HMGCLL1: variants seen among roughly 807,000 people sequenced by gnomAD.
HMGCLL1 encodes 3-hydroxy-3-methylglutaryl-CoA lyase like 1, also known as 3-hydroxymethyl-3-methylglutaryl-CoA lyase, cytoplasmic.
HMGCLL1 carries 36 observed loss-of-function variants against 39.1 expected under a neutral mutation model. The observed-to-expected ratio is 0.92, with a 90% CI of 0.71 to 1.22. HMGCLL1 has a LOEUF of 1.22. Ranked by LOEUF, HMGCLL1 falls within the 50% of genes most tolerant of loss-of-function variation. The probability of loss-of-function intolerance (pLI) is 0.00; values close to 1 mark genes in which losing one functional copy is unlikely to be tolerated. For synonymous variants in HMGCLL1, 149 were observed against 144.0 expected, an observed-to-expected ratio of 1.03 and a Z score of -0.25; for missense variants, 451 against 416.5, an observed-to-expected ratio of 1.08 and a Z score of -0.72.
At chr6:55,561,443 T>C (rs1005341550) in intron 1 of HMGCLL1, among the ~76,000 whole-genome samples, 2 of 152,124 alleles carry the variant, frequency 1.3e-5, no homozygotes, top group Non-Finnish European at 2.9e-5. Context: ...GTTCTCAAAC[T>C]TTAATGTGCA....
At chr6:55,506,895 ACTC>A (rs1767198700) in intron 5 of HMGCLL1, among the ~76,000 whole-genome samples, 1 of 151,656 alleles carries the variant, frequency 6.6e-6, no homozygotes, top group Non-Finnish European at 1.5e-5. Flanking sequence ...AGAATATAAA[ACTC>A]CTATCAATAG....
intron 1 of HMGCLL1, among the ~76,000 whole-genome samples, chr6:55,577,344 TAA>T (rs35853188): frequency 7.9e-4 from 116 of 146,048 alleles, no homozygotes; most frequent in Admixed American, 1.8e-3. Flanking sequence ...AGGGCTGGAC[TAA>T]AAAAAAAAAA....
chr6:55,452,667 T>TA (rs1187380565), intron 7 of HMGCLL1, among the ~76,000 whole-genome samples: 3 of 152,082 alleles, frequency 2.0e-5, no homozygotes, highest in African/African-American at 7.2e-5. Flanking sequence ...CAGAATCAGG[T>TA]AAAAAAAGAC....
the HMGCLL1 span, among the ~76,000 whole-genome samples, chr6:55,667,019 T>C: frequency 1.3e-5 from 2 of 151,692 alleles, no homozygotes; most frequent in Non-Finnish European, 2.9e-5. Flanking sequence ...CCATTGACCT[T>C]TGCCCGGCCT....
chr6:55,534,510 A>G (rs1768897296), intron 3 of HMGCLL1, among the ~76,000 whole-genome samples: 1 of 152,180 alleles, frequency 6.6e-6, no homozygotes. Context: ...TGAGCCATTT[A>G]TGTTAGATTA....
At chr6:55,504,219 C>T (rs1187415173) in intron 5 of HMGCLL1, among the ~76,000 whole-genome samples, 1 of 151,642 alleles carries the variant, frequency 6.6e-6, no homozygotes, top group Non-Finnish European at 1.5e-5. Context: ...TGTGTCTTTG[C>T]TCTTTGTAGA....
the HMGCLL1 span, among the ~76,000 whole-genome samples, chr6:55,591,067 A>T: frequency 6.6e-6 from 1 of 152,026 alleles, no homozygotes; most frequent in African/African-American, 2.4e-5. Context: ...TAAATAATAA[A>T]AAGACACTTT....
the HMGCLL1 span, among the ~76,000 whole-genome samples, chr6:55,672,320 A>G: frequency 6.6e-6 from 1 of 151,572 alleles, no homozygotes; most frequent in Admixed American, 6.6e-5. Flanking sequence ...GAATAAATAA[A>G]AATTAATTTT....
At chr6:55,492,265 G>C (rs1476277551) in intron 7 of HMGCLL1, among the ~76,000 whole-genome samples, 1 of 152,198 alleles carries the variant, frequency 6.6e-6, no homozygotes, top group Admixed American at 6.5e-5. Context: ...CCTGTTCATA[G>C]TGAAGTTAGA....
chr6:55,649,554 G>A, the HMGCLL1 span, among the ~76,000 whole-genome samples: 1 of 151,650 alleles, frequency 6.6e-6, no homozygotes, highest in Non-Finnish European at 1.5e-5. Flanking sequence ...AATGCCTTGA[G>A]GTAGTCTCCT....
intron 5 of HMGCLL1, among the ~76,000 whole-genome samples, chr6:55,505,061 T>C (rs2127430599): frequency 6.6e-6 from 1 of 151,778 alleles, no homozygotes; most frequent in South Asian, 2.1e-4. Context: ...ATTGTTTTAT[T>C]TGTATTTGTG....
chr6:55,506,101 T>G (rs957606120), intron 5 of HMGCLL1, among the ~76,000 whole-genome samples: 2 of 151,676 alleles, frequency 1.3e-5, no homozygotes, highest in African/African-American at 4.8e-5. Flanking sequence ...TTCTACTACA[T>G]CAGTTGAGCT....
At chr6:55,477,221 A>ATTACATAT (rs1561904260) in intron 7 of HMGCLL1, among the ~76,000 whole-genome samples, 1 of 14,100 alleles carries the variant, frequency 7.1e-5, no homozygotes, top group Non-Finnish European at 9.7e-5. Flanking sequence ...TTATATTATA[A>ATTACATAT]TATATAATAT....
At chr6:55,668,870 G>T in the HMGCLL1 span, among the ~76,000 whole-genome samples, 6 of 151,742 alleles carry the variant, frequency 4.0e-5, no homozygotes, top group Non-Finnish European at 5.9e-5. Flanking sequence ...ACCAGTAGTG[G>T]CCAGCAACAG....
chr6:55,551,460 G>C (rs1309211782), intron 1 of HMGCLL1, among the ~76,000 whole-genome samples: 2 of 151,890 alleles, frequency 1.3e-5, no homozygotes, highest in Non-Finnish European at 2.9e-5. Flanking sequence ...TTGTAACAAG[G>C]AAGGGCAAGT....
the HMGCLL1 span, among the ~76,000 whole-genome samples, chr6:55,592,900 C>T: frequency 6.6e-6 from 1 of 152,044 alleles, no homozygotes; most frequent in East Asian, 1.9e-4. Context: ...CCCAAGAAGT[C>T]GGACATCAGA....
intron 7 of HMGCLL1, among the ~76,000 whole-genome samples, chr6:55,477,238 TATTTATATA>T (rs1765391358): frequency 8.3e-5 from 1 of 12,050 alleles, no homozygotes; most frequent in Non-Finnish European, 1.2e-4. Context: ...ATATATATTA[TATTTATATA>T]ATATATAATA....
intron 7 of HMGCLL1, among the ~76,000 whole-genome samples, chr6:55,478,551 G>A (rs955275739): frequency 1.4e-4 from 21 of 151,334 alleles, no homozygotes; most frequent in South Asian, 6.2e-4. Context: ...AATGTATTAC[G>A]AAAATATTGC....
chr6:55,524,929 G>A (rs1300892621), intron 3 of HMGCLL1, among the ~76,000 whole-genome samples: 1 of 151,456 alleles, frequency 6.6e-6, no homozygotes, highest in African/African-American at 2.4e-5. Context: ...ATGGGTTTTT[G>A]AGTAGTGTAA....
Sources: allele counts gnomAD v4.1 joint callset (sites outside exome capture counted in the v4.1 genomes callset), GRCh38; gene constraint gnomAD v4.1.1; transcripts MANE v1.5; gene names NCBI Gene and HGNC (gene_info 2026-07-23, HGNC 2026-07-21).